The following NUP62CL variants were observed in gnomAD, a reference collection of about 807,000 sequenced individuals.
The protein encoded by NUP62CL is nucleoporin 62 C-terminal like, also known as nucleoporin-62 C-terminal-like protein.
A neutral mutation model predicts 15.3 loss-of-function variants in NUP62CL; 13 were observed. The ratio of observed to expected loss-of-function variants is 0.85; its 90% CI spans 0.55 to 1.35. The LOEUF (loss-of-function observed/expected upper bound fraction) is 1.35. Among genes scored for constraint, NUP62CL ranks in the 40% most tolerant of loss-of-function variants. The probability of loss-of-function intolerance (pLI) is 0.00; values close to 1 mark genes in which losing one functional copy is unlikely to be tolerated. For synonymous variants in NUP62CL, 54 were observed against 49.2 expected (o/e 1.10, Z -0.41); for missense variants, 123 against 130.6 (o/e 0.94, Z 0.28).
At chrX:107,165,514 T>A (rs1458404637) in intron 4 of NUP62CL, among the ~76,000 whole-genome samples, 1 of 110,117 alleles carries the variant, frequency 9.1e-6, no homozygotes, top group African/African-American at 3.3e-5. Context: ...ACTAGAGACA[T>A]AAAAAAAGAC....
intron 3 of NUP62CL, among the ~76,000 whole-genome samples, chrX:107,168,380 C>T (rs1464326692): frequency 8.9e-6 from 1 of 111,757 alleles, no homozygotes; most frequent in Non-Finnish European, 1.9e-5. Flanking sequence ...AAACCCTAGT[C>T]AAAAGCCTCT....
intron 4 of NUP62CL, among the ~76,000 whole-genome samples, chrX:107,158,666 A>G (rs1435524731): frequency 1.4e-5 from 1 of 70,877 alleles, no homozygotes; most frequent in Non-Finnish European, 2.3e-5. Context: ...AAATGCCCAC[A>G]AGAGAAAGCA....
At chrX:107,178,919 C>T (rs765169712) in intron 2 of NUP62CL, among the ~76,000 whole-genome samples, 17 of 109,039 alleles carry the variant, frequency 1.6e-4, no homozygotes, top group Non-Finnish European at 2.9e-4. Context: ...TGGTGAAACC[C>T]CGTCTCTACT....
chrX:107,189,877 AAAAGAAAGAAAGAAAGAAAGAAAG>A (rs55670914), intron 2 of NUP62CL, among the ~76,000 whole-genome samples: 10 of 56,116 alleles, frequency 1.8e-4, no homozygotes, highest in East Asian at 1.8e-3. Flanking sequence ...AAAAAGAAAG[AAAAGAAAGAAAGAAAGAAAGAAAG>A]AAAGAAAGAA....
At chrX:107,131,274 C>T in intron 8 of NUP62CL, among the ~76,000 whole-genome samples, 1 of 111,469 alleles carries the variant, frequency 9.0e-6, no homozygotes, top group Non-Finnish European at 1.9e-5. Flanking sequence ...GTATAATCAT[C>T]ATCACTTACT....
At chrX:107,199,622 T>A (rs1001024829) in intron 1 of NUP62CL, among the ~76,000 whole-genome samples, 1 of 112,131 alleles carries the variant, frequency 8.9e-6, no homozygotes, top group Non-Finnish European at 1.9e-5. Context: ...ACCGCCTAGT[T>A]ATTGACAATC....
At chrX:107,172,528 C>T (rs1926677831) in intron 3 of NUP62CL, among the ~76,000 whole-genome samples, 1 of 111,463 alleles carries the variant, frequency 9.0e-6, no homozygotes, top group Non-Finnish European at 1.9e-5. Context: ...CCCCTTACCA[C>T]CCAGCTCTAA....
At chrX:107,140,525 C>G (rs1264165286) in intron 8 of NUP62CL, among the ~76,000 whole-genome samples, 1 of 111,137 alleles carries the variant, frequency 9.0e-6, no homozygotes, top group Non-Finnish European at 1.9e-5. Flanking sequence ...TTCAAAATGC[C>G]CATATATATT....
chrX:107,182,320 C>G (rs12556380), intron 2 of NUP62CL, among the ~76,000 whole-genome samples: 1 of 111,970 alleles, frequency 8.9e-6, no homozygotes, highest in African/African-American at 3.2e-5. Flanking sequence ...GTCTTGACAA[C>G]CAAAAATGTC....
chrX:107,157,913 A>G (rs1482602664), intron 4 of NUP62CL, among the ~76,000 whole-genome samples: 3 of 109,515 alleles, frequency 2.7e-5, no homozygotes, highest in Non-Finnish European at 5.7e-5. Flanking sequence ...ACATAGGCTC[A>G]AAATAAAAGG....
At chrX:107,158,102 A>C (rs1164806054) in intron 4 of NUP62CL, among the ~76,000 whole-genome samples, 9 of 55,256 alleles carry the variant, frequency 1.6e-4, no homozygotes, top group African/African-American at 7.4e-4. Flanking sequence ...ATATGCAGCC[A>C]ATACAGGAGC....
chrX:107,205,469 G>A (rs1008311436), intron 1 of NUP62CL, among the ~76,000 whole-genome samples: 5 of 111,484 alleles, frequency 4.5e-5, no homozygotes, highest in Non-Finnish European at 7.5e-5. Flanking sequence ...AGAACAAGTA[G>A]AAGGGACAAA....
chrX:107,182,011 T>A (rs1926930751), intron 2 of NUP62CL, among the ~76,000 whole-genome samples: 1 of 112,166 alleles, frequency 8.9e-6, no homozygotes, highest in African/African-American at 3.2e-5. Flanking sequence ...ACTTGATTTA[T>A]GCCCGTATTT....
rs1390314381 is a variant in NUP62CL, at chrX:107,176,572, CG to C, written c.-47-1380del. On this transcript the variant is annotated intron_variant, in intron 2 of 8. Transcript: ENST00000372466. ...ATGGGTATAGGGTTTTTTTTTTTGT[CG>C]GGGGGGCGATGAAAATGTTCTCAAA... is the stretch of plus-strand genomic sequence containing the variant. Among the ~76,000 whole-genome samples, 6 of 103,442 alleles carry C rather than the reference CG, an allele frequency of 5.8e-5. No individual in the cohort carries two copies. In the South Asian group the frequency reaches 1.8e-3, roughly 30 times the overall value. 89.8% of individuals were successfully genotyped at this position (103,442 alleles called of 115,157 possible).
chrX:107,127,792 AT>A (rs11288396), intron 8 of NUP62CL, among the ~76,000 whole-genome samples: 5,904 of 111,800 alleles, frequency 0.053, 402 homozygotes, highest in African/African-American at 0.18. Flanking sequence ...TAAAAAAAAA[AT>A]CCTGAGAGTA....
chrX:107,170,710 C>A (rs767835773), intron 3 of NUP62CL, among the ~76,000 whole-genome samples: 79 of 111,972 alleles, frequency 7.1e-4, no homozygotes, highest in African/African-American at 2.5e-3. Context: ...CCACACCCGG[C>A]CTATTTTAAC....
At chrX:107,179,044 G>A (rs1272913261) in intron 2 of NUP62CL, among the ~76,000 whole-genome samples, 4 of 107,168 alleles carry the variant, frequency 3.7e-5, no homozygotes, top group East Asian at 2.9e-4. Flanking sequence ...GCACTGAGCC[G>A]AGATCGTACC....
At chrX:107,175,239 T>A (rs961717985) in intron 2 of NUP62CL, 46 bp from the exon 3 acceptor site, 11 of 617,942 alleles carry the variant, frequency 1.8e-5, no homozygotes, top group Non-Finnish European at 2.6e-5. Flanking sequence ...CTAAAAATAA[T>A]TTTTAAAAGT....
chrX:107,196,823 G>A (rs4826952), intron 1 of NUP62CL, among the ~76,000 whole-genome samples: 40,631 of 110,580 alleles, frequency 0.37, 8,120 homozygotes, highest in African/African-American at 0.76. Context: ...TTCTTGGTAA[G>A]TTTTCTTTCT....
Sources: gnomAD v4.1 joint callset for allele counts (sites outside exome capture counted in the v4.1 genomes callset) on GRCh38, gnomAD v4.1.1 for gene constraint, MANE v1.5 for transcripts, NCBI Gene and HGNC (gene_info 2026-07-23, HGNC 2026-07-21) for gene names.